PTPRT: variants seen among roughly 807,000 people sequenced by gnomAD.
PTPRT encodes the protein protein tyrosine phosphatase receptor type T.
In PTPRT, 56 loss-of-function variants were observed where a neutral mutation model predicts 176.8. That is an observed-to-expected ratio of 0.32 (90% CI 0.26 to 0.40). The LOEUF is 0.40. PTPRT is among the 10% of genes least tolerant of loss of function. PTPRT has a pLI of 1.00. For missense variants in PTPRT, 1,540 were observed against 1,908.2 expected (o/e 0.81, Z 3.60); for synonymous variants, 783 against 739.0 (o/e 1.06, Z -0.96).
At chr20:42,825,455 T>C (rs1483861511) in intron 2 of PTPRT, among the ~76,000 whole-genome samples, 1 of 152,052 alleles carries the variant, frequency 6.6e-6, no homozygotes, top group Admixed American at 6.6e-5. Context: ...ATGATAGAAT[T>C]CTAAATGAGA....
intron 11 of PTPRT, among the ~76,000 whole-genome samples, chr20:42,341,915 T>G (rs2145479083): frequency 6.6e-6 from 1 of 152,320 alleles, no homozygotes; most frequent in Middle Eastern, 3.4e-3. Flanking sequence ...CCTCCTTGGT[T>G]GGAGCCTAAG....
chr20:42,215,069 A>G (rs111387998), intron 15 of PTPRT, among the ~76,000 whole-genome samples: 4,866 of 152,332 alleles, frequency 0.032, 262 homozygotes, highest in African/African-American at 0.11. Flanking sequence ...TAAGCTCTAC[A>G]TAAGCATTTG....
intron 16 of PTPRT, among the ~76,000 whole-genome samples, chr20:42,192,065 T>A (rs1991023827): frequency 6.6e-6 from 1 of 152,174 alleles, no homozygotes; most frequent in Non-Finnish European, 1.5e-5. Context: ...AAGATAATGA[T>A]TCCTAACTGG....
intron 9 of PTPRT, among the ~76,000 whole-genome samples, chr20:42,371,797 T>C (rs1026937327): frequency 6.6e-6 from 1 of 152,186 alleles, no homozygotes; most frequent in African/African-American, 2.4e-5. Flanking sequence ...ATCAGTCCTT[T>C]CATCAAGGGG....
intron 7 of PTPRT, among the ~76,000 whole-genome samples, chr20:42,580,257 G>A (rs566666508): frequency 1.2e-4 from 18 of 152,080 alleles, no homozygotes; most frequent in Non-Finnish European, 1.9e-4. Context: ...TGTTCCATTG[G>A]TCTATATCTC....
chr20:42,475,880 T>C lies in PTPRT; in HGVS notation c.1154-3318A>G, dbSNP rs117096638. Among the ~76,000 whole-genome samples, 1,280 of 152,248 alleles carry C rather than the reference T, an allele frequency of 8.4e-3. 10 individuals are homozygous for C. The highest frequency in any genetic ancestry group is 0.014 in the Middle Eastern group (4 of 294). On this transcript the variant is annotated intron_variant, in intron 7 of 30. Transcript: ENST00000373187. ...CTTGCCACACAGCAAAGAGACTCTT[T>C]GAGACCGGGAAAGTTGGGATACAGG...
chr20:42,200,386 T>C lies in PTPRT; in HGVS notation c.2343-998A>G, dbSNP rs6102725. Among the ~76,000 whole-genome samples, 406 of 152,316 alleles carry C rather than the reference T, an allele frequency of 2.7e-3. 4 individuals are homozygous for C. The highest frequency in any genetic ancestry group is 8.3e-3 in the African/African-American group (346 of 41,576). On this transcript the variant is annotated intron_variant, in intron 15 of 30. Coordinates refer to ENST00000373187, the MANE Select transcript of PTPRT (RefSeq NM_007050.6). ...ACAGAGCACAGTGCCTCGCACATAG[T>C]GGACACTAGACACCTAGCAGTTGCT... is the stretch of plus-strand genomic sequence containing the variant.
chr20:42,175,398 T>TC (rs770603516), intron 16 of PTPRT, among the ~76,000 whole-genome samples: 8 of 152,124 alleles, frequency 5.3e-5, no homozygotes, highest in Admixed American at 1.3e-4. Context: ...TTATAACTTT[T>TC]CCCCCAAACT....
At chr20:42,779,046 C>T (rs1308691093) in intron 4 of PTPRT, among the ~76,000 whole-genome samples, 4 of 152,132 alleles carry the variant, frequency 2.6e-5, no homozygotes, top group Non-Finnish European at 2.9e-5. Flanking sequence ...AAATAATGTT[C>T]GGAACTTGTA....
At position 42,179,599 on chromosome 20, in the gene PTPRT, C is replaced by A. The variant is rs919110786; in HGVS notation, c.2492-18057G>T. On this transcript the variant is annotated intron_variant, in intron 16 of 30. Coordinates refer to ENST00000373187, the MANE Select transcript of PTPRT (RefSeq NM_007050.6). ...ATGTGATGAATTTGCTAAACAATGG[C>A]CTAACTAATAAATTTTCATGCTAAA... Among the ~76,000 whole-genome samples the A allele has an allele frequency of 3.9e-5, 6 of 152,114 alleles. No homozygotes were observed. The East Asian group carries it at 1.2e-3, about 29-fold the overall frequency.
At chr20:42,694,508 A>G (rs2075842968) in intron 6 of PTPRT, among the ~76,000 whole-genome samples, 1 of 152,208 alleles carries the variant, frequency 6.6e-6, no homozygotes. Context: ...ACTGCCATGA[A>G]CAGTTATGTA....
intron 9 of PTPRT, among the ~76,000 whole-genome samples, chr20:42,407,910 CAAGGAAA>C (rs1382830292): frequency 7.3e-5 from 11 of 151,482 alleles, no homozygotes; most frequent in Non-Finnish European, 1.3e-4. Flanking sequence ...TAATATGAGA[CAAGGAAA>C]AAATACATTT....
At chr20:42,706,693 C>T (rs1381999237) in intron 6 of PTPRT, among the ~76,000 whole-genome samples, 4 of 152,092 alleles carry the variant, frequency 2.6e-5, no homozygotes, top group Non-Finnish European at 5.9e-5. Context: ...GAAACTATTA[C>T]AGAATCAACA....
intron 1 of PTPRT, among the ~76,000 whole-genome samples, chr20:43,060,365 G>C (rs1987406568): frequency 6.6e-6 from 1 of 152,158 alleles, no homozygotes; most frequent in Non-Finnish European, 1.5e-5. Flanking sequence ...TGGTGTGAGG[G>C]ACAAGGGGGC....
At chr20:42,582,721 A>G (rs1601317564) in intron 7 of PTPRT, among the ~76,000 whole-genome samples, 2 of 152,310 alleles carry the variant, frequency 1.3e-5, no homozygotes, top group African/African-American at 4.8e-5. Flanking sequence ...GAGAAGCTGC[A>G]GGAACTGGAA....
At chr20:42,473,748 T>C (rs1370577417) in intron 7 of PTPRT, among the ~76,000 whole-genome samples, 1 of 152,218 alleles carries the variant, frequency 6.6e-6, no homozygotes, top group Non-Finnish European at 1.5e-5. Context: ...GTGATGGGAT[T>C]GCAGGCACCA....
rs77435257 is a variant in PTPRT at position 42,609,803 on chromosome 20, G to T, written c.1153+68063C>A. Among the ~76,000 whole-genome samples the T allele has an allele frequency of 3.9e-3, 589 of 152,328 alleles. 5 individuals carry two copies. Among genetic ancestry groups the T allele is most frequent in the African/African-American group, 0.013 (558 of 41,584 alleles). On this transcript the variant is annotated intron_variant, in intron 7 of 30. Transcript: ENST00000373187. ...ATCAGCTGACCCCCACTCCCCCCAGGGCGGGTCTATGATGGGCAATTGGAT... is the reference window on the plus strand; with the variant it reads ...ATCAGCTGACCCCCACTCCCCCCAGTGCGGGTCTATGATGGGCAATTGGAT...
intron 1 of PTPRT, among the ~76,000 whole-genome samples, chr20:43,170,456 T>C (rs2014968431): frequency 6.6e-6 from 1 of 152,168 alleles, no homozygotes; most frequent in African/African-American, 2.4e-5. Flanking sequence ...CAGATGGCGA[T>C]GAAAAGATCT....
chr20:42,411,637 G>T (rs1021798243), intron 9 of PTPRT, among the ~76,000 whole-genome samples: 1 of 151,456 alleles, frequency 6.6e-6, no homozygotes, highest in Non-Finnish European at 1.5e-5. Context: ...GAGAATACAA[G>T]GACGAACATT....
Sources: allele counts gnomAD v4.1 joint callset (sites outside exome capture counted in the v4.1 genomes callset), GRCh38; gene constraint gnomAD v4.1.1; transcripts MANE v1.5; gene names NCBI Gene and HGNC (gene_info 2026-07-23, HGNC 2026-07-21).